CNKSR2: variants seen among roughly 807,000 people sequenced by gnomAD.
The protein encoded by CNKSR2 is CNK homolog protein 2.
A neutral mutation model predicts 84.4 loss-of-function variants in CNKSR2; 14 were observed. That is an observed-to-expected ratio of 0.17 (90% CI 0.11 to 0.26). The LOEUF is 0.26. Among genes scored for constraint, CNKSR2 ranks in the 10% least tolerant of loss-of-function variants. CNKSR2 has a pLI of 1.00. For missense variants in CNKSR2, 485 were observed against 771.2 expected (o/e 0.63, Z 4.40); for synonymous variants, 275 against 277.9 (o/e 0.99, Z 0.10).
intron 12 of CNKSR2, among the ~76,000 whole-genome samples, chrX:21,562,003 T>G (rs1251904364): frequency 2.7e-5 from 3 of 109,189 alleles, no homozygotes; most frequent in African/African-American, 1.0e-4. Flanking sequence ...GGCCAGTGAC[T>G]TCTAACAAAA....
chrX:21,623,069 G>A (rs887195988), intron 20 of CNKSR2, among the ~76,000 whole-genome samples: 1 of 111,082 alleles, frequency 9.0e-6, no homozygotes, highest in African/African-American at 3.3e-5. Flanking sequence ...TCTAGTAAGA[G>A]TAAGAAAATA....
rs1212214725 is a variant in CNKSR2 at position 21,654,534 on chromosome X, A to G, written c.*2013A>G. On this transcript the variant is annotated 3_prime_UTR_variant, in exon 22 of 22. Coordinates refer to ENST00000379510, the MANE Select transcript of CNKSR2 (RefSeq NM_014927.5). ...AGCTCTGTTGTTTTAAATGGTAAAA[A>G]TTAAACTAATGAATTTGACAAGACT... The G allele has an allele frequency of 9.0e-6, 1 of 110,704 alleles. No individual in the cohort carries two copies. Among genetic ancestry groups the G allele is most frequent in the Non-Finnish European group, 1.9e-5 (1 of 53,044 alleles). The allele number at this position is 110,704 out of a possible 1,213,427, so 9.1% of individuals were successfully genotyped here.
At chrX:21,442,278 G>T (rs911993551) in intron 4 of CNKSR2, among the ~76,000 whole-genome samples, 1 of 109,482 alleles carries the variant, frequency 9.1e-6, no homozygotes, top group Non-Finnish European at 1.9e-5. Flanking sequence ...AGAGAAACTG[G>T]TTTTAAAATC....
chrX:21,549,315 T>G (rs1034440352), intron 11 of CNKSR2, among the ~76,000 whole-genome samples: 1 of 111,712 alleles, frequency 9.0e-6, no homozygotes, highest in African/African-American at 3.3e-5. Context: ...CCGTTCACAA[T>G]TGCTACTAAG....
At chrX:21,398,968 A>C (rs1349109857) in intron 1 of CNKSR2, among the ~76,000 whole-genome samples, 1 of 109,890 alleles carries the variant, frequency 9.1e-6, no homozygotes, top group Non-Finnish European at 1.9e-5. Context: ...TAATGCGTTA[A>C]CCACTCTCAA....
intron 1 of CNKSR2, among the ~76,000 whole-genome samples, chrX:21,393,876 T>C (rs144622757): frequency 0.015 from 1,741 of 112,637 alleles, 32 homozygotes; most frequent in African/African-American, 0.054. Flanking sequence ...CCTGTAGTCA[T>C]GTCAAAAGAC....
intron 9 of CNKSR2, among the ~76,000 whole-genome samples, chrX:21,520,497 T>C (rs1340608892): frequency 9.1e-6 from 1 of 110,053 alleles, no homozygotes; most frequent in Non-Finnish European, 1.9e-5. Context: ...AACAAAGAAT[T>C]GTGGATAAAC....
At chrX:21,637,849 A>G (rs1225972324) in intron 20 of CNKSR2, among the ~76,000 whole-genome samples, 1 of 111,858 alleles carries the variant, frequency 8.9e-6, no homozygotes, top group Non-Finnish European at 1.9e-5. Context: ...AGGTTTTTCA[A>G]AATAAACACA....
chrX:21,453,041 A>C (rs1439134904), intron 4 of CNKSR2, among the ~76,000 whole-genome samples: 1 of 109,944 alleles, frequency 9.1e-6, no homozygotes, highest in East Asian at 2.8e-4. Context: ...TCTATATACT[A>C]TCCTGGAAAA....
intron 8 of CNKSR2, among the ~76,000 whole-genome samples, chrX:21,512,031 A>T (rs554382524): frequency 1.8e-5 from 2 of 111,750 alleles, no homozygotes; most frequent in Non-Finnish European, 3.8e-5. Flanking sequence ...CTGCATTGTA[A>T]CTGTTTATTG....
At chrX:21,634,417 C>G (rs1255058617) in intron 20 of CNKSR2, among the ~76,000 whole-genome samples, 2 of 111,796 alleles carry the variant, frequency 1.8e-5, no homozygotes, top group African/African-American at 6.5e-5. Context: ...TGGCAGTGCC[C>G]CTAAAGCAGC....
At chrX:21,499,336 A>G (rs1285997265) in intron 7 of CNKSR2, among the ~76,000 whole-genome samples, 1 of 111,702 alleles carries the variant, frequency 9.0e-6, no homozygotes, top group East Asian at 2.8e-4. Flanking sequence ...CGTGGAGAGC[A>G]TGTGGGGGTT....
intron 4 of CNKSR2, among the ~76,000 whole-genome samples, chrX:21,461,040 T>C (rs747218858): frequency 1.8e-5 from 2 of 112,630 alleles, no homozygotes; most frequent in South Asian, 7.3e-4. Flanking sequence ...TTTCCTTGGG[T>C]ATATACCCAG....
At position 21,576,244 on chromosome X, in the gene CNKSR2, C is replaced by A. The variant is rs781429523; in HGVS notation, c.1608+12792C>A. 2.7e-5 allele frequency among the ~76,000 whole-genome samples: 3 copies of A among 112,238 alleles called. No individual in the cohort carries two copies. In the South Asian group the frequency reaches 1.1e-3, roughly 41 times the overall value. On this transcript the variant is annotated intron_variant, in intron 13 of 21. Transcript: ENST00000379510. ...ATATGTTCTCTGATTATAATGAAAT[C>A]AAACTAGACATCAGTAACAAAAAGA...
At chrX:21,651,617 T>G (rs2147349064) in intron 21 of CNKSR2, among the ~76,000 whole-genome samples, 1 of 112,051 alleles carries the variant, frequency 8.9e-6, no homozygotes, top group Non-Finnish European at 1.9e-5. Flanking sequence ...TCAGACTTTC[T>G]TAACCCCTAC....
chrX:21,490,377 T>C, intron 5 of CNKSR2, 82 bp from the exon 6 acceptor site: 2 of 973,654 alleles, frequency 2.1e-6, no homozygotes, highest in Non-Finnish European at 1.4e-6. Context: ...TTTTTCCTTA[T>C]GAAAACGTTA....
chrX:21,599,377 TGTGTGTGA>T (rs899900472), intron 17 of CNKSR2, among the ~76,000 whole-genome samples: 11 of 106,599 alleles, frequency 1.0e-4, no homozygotes, highest in African/African-American at 2.8e-4. Flanking sequence ...TGTGTGTGTG[TGTGTGTGA>T]GATGGAGTCT....
intron 1 of CNKSR2, among the ~76,000 whole-genome samples, chrX:21,417,042 A>G (rs1569156379): frequency 9.0e-6 from 1 of 111,383 alleles, no homozygotes; most frequent in Non-Finnish European, 1.9e-5. Flanking sequence ...TTTTTGAGGT[A>G]AGCACATATA....
intron 20 of CNKSR2, among the ~76,000 whole-genome samples, chrX:21,648,098 A>T (rs988136694): frequency 8.9e-6 from 1 of 111,807 alleles, no homozygotes; most frequent in African/African-American, 3.2e-5. Flanking sequence ...AGGTCTTACA[A>T]ATACTAAGTA....
Sources: allele counts gnomAD v4.1 joint callset (sites outside exome capture counted in the v4.1 genomes callset), GRCh38; gene constraint gnomAD v4.1.1; transcripts MANE v1.5; gene names NCBI Gene and HGNC (gene_info 2026-07-23, HGNC 2026-07-21).